SLAIN2: variants seen among roughly 807,000 people sequenced by gnomAD.
SLAIN2 encodes SLAIN family member 2.
A neutral mutation model predicts 56.6 loss-of-function variants in SLAIN2; 31 were observed. The observed-to-expected ratio is 0.55, with a 90% CI of 0.41 to 0.74. The LOEUF (loss-of-function observed/expected upper bound fraction) is 0.74. Among genes scored for constraint, SLAIN2 ranks in the 30% least tolerant of loss-of-function variants. SLAIN2 has a pLI of 0.00. For missense variants in SLAIN2, 777 were observed against 754.2 expected, an observed-to-expected ratio of 1.03 and a Z score of -0.35; for synonymous variants, 317 against 284.9, an observed-to-expected ratio of 1.11 and a Z score of -1.13.
chr4:48,341,687 T>C lies in SLAIN2; in HGVS notation c.-53T>C. On this transcript the variant is annotated 5_prime_UTR_variant, in exon 1 of 8. Transcript: ENST00000264313. ...CGCCTCTTTCCTCCGTCTCTTTCCC[T>C]GTCGCTGCGAGAGCGAGCGGGCGGC... 1.3e-6 allele frequency: 2 copies of C among 1,511,462 alleles called. No homozygotes were observed. Among genetic ancestry groups the C allele is most frequent in the Non-Finnish European group, 1.8e-6 (2 of 1,129,340 alleles). The allele number at this position is 1,511,462 out of a possible 1,614,324, so 93.6% of individuals were successfully genotyped here.
At chr4:48,347,701 G>T (rs905966620) in intron 1 of SLAIN2, among the ~76,000 whole-genome samples, 1 of 152,176 alleles carries the variant, frequency 6.6e-6, no homozygotes, top group African/African-American at 2.4e-5. Context: ...TGCAATCATC[G>T]CCACCATCCA....
intron 6 of SLAIN2, among the ~76,000 whole-genome samples, chr4:48,405,634 G>A (rs1716673706): frequency 6.6e-6 from 1 of 151,706 alleles, no homozygotes; most frequent in African/African-American, 2.4e-5. Context: ...ATAGGTAGTA[G>A]TGCTTCTTTA....
intron 6 of SLAIN2, among the ~76,000 whole-genome samples, chr4:48,391,724 A>G (rs955276605): frequency 3.9e-5 from 6 of 152,182 alleles, no homozygotes; most frequent in Non-Finnish European, 7.4e-5. Context: ...GAAGGCCTGA[A>G]TTTGGTTATT....
intron 6 of SLAIN2, among the ~76,000 whole-genome samples, chr4:48,400,084 C>T (rs1716508101): frequency 6.6e-6 from 1 of 152,124 alleles, no homozygotes. Flanking sequence ...ATTGTACCAG[C>T]CATTCTTTGT....
intron 2 of SLAIN2, 144 bp downstream of exon 2, chr4:48,370,141 C>T (rs1715625754): frequency 1.2e-6 from 1 of 801,386 alleles, no homozygotes; most frequent in African/African-American, 1.7e-5. Context: ...GAGTTTTTCC[C>T]ATGTTCACAT....
At chr4:48,371,994 G>GCACA (rs571522686) in intron 2 of SLAIN2, among the ~76,000 whole-genome samples, 16 of 139,218 alleles carry the variant, frequency 1.1e-4, no homozygotes, top group South Asian at 1.1e-3. Context: ...ACACACGCGC[G>GCACA]CACACACACA....
At chr4:48,380,664 A>C (rs1194805622) in intron 4 of SLAIN2, among the ~76,000 whole-genome samples, 1 of 152,206 alleles carries the variant, frequency 6.6e-6, no homozygotes, top group Non-Finnish European at 1.5e-5. Context: ...TTTCATTAGA[A>C]GATGCCATCT....
chr4:48,380,421 T>G (rs1174598232), intron 4 of SLAIN2, among the ~76,000 whole-genome samples: 4 of 152,116 alleles, frequency 2.6e-5, no homozygotes, highest in Non-Finnish European at 5.9e-5. Flanking sequence ...GAATACATGG[T>G]GTAAACTGTA....
In SLAIN2 at chr4:48,341,934, G is replaced by A; in HGVS notation, c.195G>A (p.Arg65=). Residue 65 remains arginine, a synonymous_variant, in exon 1 of 8, where the codon CGG becomes CGA. Coordinates refer to ENST00000264313, the MANE Select transcript of SLAIN2 (RefSeq NM_020846.2). ...CCTCCTCCGGCGCGGCGTCTCCTCG[G>A]GGCTTCCCCTTGGGCCTCAGCGCCA... The part of the protein sequence containing the change: ...SIPSSGAASP[R]GFPLGLSAKS... 6.7e-7 allele frequency: 1 copy of A among 1,500,352 alleles called. No homozygotes were observed. Among genetic ancestry groups the A allele is most frequent in the Non-Finnish European group, 8.9e-7 (1 of 1,127,098 alleles). The allele number at this position is 1,500,352 out of a possible 1,614,324, so 92.9% of individuals were successfully genotyped here.
intron 4 of SLAIN2, among the ~76,000 whole-genome samples, chr4:48,381,324 AAT>A (rs1377456309): frequency 6.6e-6 from 1 of 152,170 alleles, no homozygotes; most frequent in East Asian, 1.9e-4. Context: ...TAGTAATAAA[AAT>A]ATATGTGATA....
At chr4:48,390,727 T>A (rs1322182596) in intron 6 of SLAIN2, among the ~76,000 whole-genome samples, 1 of 152,228 alleles carries the variant, frequency 6.6e-6, no homozygotes, top group Non-Finnish European at 1.5e-5. Flanking sequence ...TATATATTGA[T>A]CTGTCACAGT....
intron 1 of SLAIN2, among the ~76,000 whole-genome samples, chr4:48,351,078 A>G (rs1214892611): frequency 6.6e-6 from 1 of 152,200 alleles, no homozygotes; most frequent in Non-Finnish European, 1.5e-5. Context: ...CTCCTACTCC[A>G]TTCAGGAGCT....
rs1205847085 is a variant in SLAIN2, at chr4:48,425,507, T to G, written c.*3430T>G. 2 of 152,194 alleles carry G rather than the reference T, an allele frequency of 1.3e-5. No homozygotes were observed. Among genetic ancestry groups the G allele is most frequent in the African/African-American group, 4.8e-5 (2 of 41,462 alleles). 9.4% of individuals were successfully genotyped at this position (152,194 alleles called of 1,614,324 possible). On this transcript the variant is annotated 3_prime_UTR_variant, in exon 8 of 8. Transcript: ENST00000264313. The stretch of plus-strand genomic sequence containing the variant: ...TACACTGTTTAATGAGTTCTCCATA[T>G]TCCTTTAGGAGATATTTGCTTTGCA...
At position 48,380,000 on chromosome 4, in the gene SLAIN2, A is replaced by G. The variant is rs115013804; in HGVS notation, c.862+152A>G. 6.9e-4 allele frequency among the ~76,000 whole-genome samples: 105 copies of G among 152,212 alleles called. No individual in the cohort carries two copies. The highest frequency in any genetic ancestry group is 2.4e-3 in the African/African-American group (98 of 41,568). On this transcript the variant is annotated intron_variant, in intron 4 of 7. Transcript: ENST00000264313. Reference sequence around the variant, plus strand: ...TCAGAGACTTAGTCAACATATGTACATGTTTATTCATCAACTTGTTTTCAG... The same window carrying G: ...TCAGAGACTTAGTCAACATATGTACGTGTTTATTCATCAACTTGTTTTCAG...
chr4:48,392,629 A>C (rs1224100751), intron 6 of SLAIN2, among the ~76,000 whole-genome samples: 1 of 151,996 alleles, frequency 6.6e-6, no homozygotes, highest in Non-Finnish European at 1.5e-5. Flanking sequence ...CTCTATCTGG[A>C]ATGCTTTCCC....
intron 5 of SLAIN2, among the ~76,000 whole-genome samples, chr4:48,383,386 T>C (rs1716020585): frequency 1.3e-5 from 2 of 152,100 alleles, no homozygotes; most frequent in Non-Finnish European, 2.9e-5. Context: ...TTTTGCTTTA[T>C]TGTTTTATGA....
At chr4:48,371,563 A>T (rs558413798) in intron 2 of SLAIN2, among the ~76,000 whole-genome samples, 1 of 152,196 alleles carries the variant, frequency 6.6e-6, no homozygotes, top group African/African-American at 2.4e-5. Flanking sequence ...AATTTCTGGC[A>T]TTAATGTACT....
chr4:48,369,790 T>G, intron 1 of SLAIN2, 59 bp from the exon 2 acceptor site: 1 of 1,507,824 alleles, frequency 6.6e-7, no homozygotes, highest in Admixed American at 1.9e-5. Context: ...AAAGGATCCC[T>G]GTTTTATATA....
chr4:48,412,407 C>CACACACACAA (rs1716886213), intron 6 of SLAIN2, among the ~76,000 whole-genome samples: 1 of 63,084 alleles, frequency 1.6e-5, no homozygotes, highest in African/African-American at 5.3e-5. Flanking sequence ...CACACACACA[C>CACACACACAA]ACACACACAT....
Sources: gnomAD v4.1 joint callset for allele counts (sites outside exome capture counted in the v4.1 genomes callset) on GRCh38, gnomAD v4.1.1 for gene constraint, MANE v1.5 for transcripts, NCBI Gene and HGNC (gene_info 2026-07-23, HGNC 2026-07-21) for gene names.